Variants in MAST4 observed in about 807,000 individuals in gnomAD.
MAST4 encodes microtubule associated serine/threonine kinase family member 4.
MAST4 carries 89 observed loss-of-function variants against 162.7 expected under a neutral mutation model. That is an observed-to-expected ratio of 0.55 (90% CI 0.46 to 0.65). The LOEUF (loss-of-function observed/expected upper bound fraction) is 0.65, where lower values mean the gene tolerates loss of function less well. Ranked by LOEUF, MAST4 falls within the 30% of genes least tolerant of loss-of-function variation. MAST4 has a pLI of 0.00. For synonymous variants in MAST4, 1,479 were observed against 1,361.1 expected, an observed-to-expected ratio of 1.09 and a Z score of -1.91; for missense variants, 3,153 against 3,374.0, an observed-to-expected ratio of 0.93 and a Z score of 1.62.
At position 67,141,797 on chromosome 5, in the gene MAST4, A is replaced by G. The variant is rs548685874; in HGVS notation, c.2495-318A>G. On this transcript the variant is annotated intron_variant, in intron 19 of 28. Transcript: ENST00000403625. ...GTGAGTCTGCTGTGGGCCAATATTTATCTACATCTCCAGGTTCAGCATACT... is the reference window on the plus strand; with the variant it reads ...GTGAGTCTGCTGTGGGCCAATATTTGTCTACATCTCCAGGTTCAGCATACT... Among the ~76,000 whole-genome samples, 5 of 152,302 alleles carry G rather than the reference A, an allele frequency of 3.3e-5. No individual in the cohort carries two copies. In the South Asian group the frequency reaches 1.0e-3, roughly 32 times the overall value.
At chr5:66,600,978 C>G (rs1485956352) in intron 1 of MAST4, among the ~76,000 whole-genome samples, 2 of 152,164 alleles carry the variant, frequency 1.3e-5, no homozygotes, top group African/African-American at 2.4e-5. Context: ...AATGGTTTCT[C>G]TTATTAACAA....
chr5:66,915,367 G>A (rs900806776), intron 4 of MAST4, among the ~76,000 whole-genome samples: 5 of 151,780 alleles, frequency 3.3e-5, no homozygotes, highest in Admixed American at 2.6e-4. Flanking sequence ...CTCTTGTATA[G>A]TGACTGTGGG....
chr5:66,749,145 G>T (rs572906929), intron 1 of MAST4, among the ~76,000 whole-genome samples: 1 of 152,196 alleles, frequency 6.6e-6, no homozygotes, highest in Middle Eastern at 3.4e-3. Flanking sequence ...AGCCTAGGGC[G>T]ATAGTGACAT....
At chr5:66,794,921 A>G (rs1755578861) in intron 3 of MAST4, among the ~76,000 whole-genome samples, 1 of 152,248 alleles carries the variant, frequency 6.6e-6, no homozygotes, top group Non-Finnish European at 1.5e-5. Flanking sequence ...TTTGCAAAAA[A>G]GAAATGCATT....
chr5:66,912,187 G>T (rs370899549), intron 4 of MAST4, among the ~76,000 whole-genome samples: 1 of 152,174 alleles, frequency 6.6e-6, no homozygotes, highest in Admixed American at 6.5e-5. Context: ...GGGAGAGTGG[G>T]ACCTTCCCAC....
At chr5:66,996,777 C>T (rs914749799) in intron 4 of MAST4, among the ~76,000 whole-genome samples, 1 of 152,178 alleles carries the variant, frequency 6.6e-6, no homozygotes, top group Non-Finnish European at 1.5e-5. Flanking sequence ...CATAGAGACA[C>T]TTGTGATTAT....
chr5:66,847,449 A>G (rs969202200), intron 3 of MAST4, among the ~76,000 whole-genome samples: 1 of 152,182 alleles, frequency 6.6e-6, no homozygotes, highest in Non-Finnish European at 1.5e-5. Flanking sequence ...CCTTGCCAAC[A>G]TGGCAAAACC....
At position 67,167,737 on chromosome 5, in the gene MAST4, A is replaced by T. The variant is rs1014856526; in HGVS notation, c.*686A>T. The stretch of plus-strand genomic sequence containing the variant: ...GAACTACTCTAAGTACTGCATTTGG[A>T]ATCCTCCTCCATTAGGAATGGCCAG... On this transcript the variant is annotated 3_prime_UTR_variant, in exon 29 of 29. Coordinates refer to ENST00000403625, the MANE Select transcript of MAST4 (RefSeq NM_001164664.2). 19 of 152,214 alleles carry T rather than the reference A, an allele frequency of 1.2e-4. No individual in the cohort carries two copies. The highest frequency in any genetic ancestry group is 4.3e-4 in the African/African-American group (18 of 41,450). 9.4% of individuals were successfully genotyped at this position (152,214 alleles called of 1,614,324 possible). A position where few individuals can be genotyped will look rare whatever the true frequency, so the allele number is the denominator to read the frequency against.
chr5:66,941,397 A>G (rs1195074233), intron 4 of MAST4, among the ~76,000 whole-genome samples: 1 of 152,142 alleles, frequency 6.6e-6, no homozygotes, highest in Non-Finnish European at 1.5e-5. Flanking sequence ...TGCTGCTTGC[A>G]CTTTTATGGT....
chr5:66,614,198 C>T (rs1743489496), intron 1 of MAST4, among the ~76,000 whole-genome samples: 1 of 152,152 alleles, frequency 6.6e-6, no homozygotes, highest in African/African-American at 2.4e-5. Flanking sequence ...TTCACCTTTC[C>T]CTCAGGAAAA....
intron 5 of MAST4, among the ~76,000 whole-genome samples, chr5:67,084,375 T>C (rs1215388655): frequency 1.3e-5 from 2 of 152,200 alleles, no homozygotes; most frequent in African/African-American, 2.4e-5. Context: ...ATTGATTTCA[T>C]GAAGTGAGTT....
Position 67,152,797 on chromosome 5 carries a change from C to T in MAST4, c.3456C>T (p.Gly1152=), listed in dbSNP as rs769996926. Residue 1152 remains glycine, a synonymous_variant, in exon 25 of 29, where the codon GGC becomes GGT. Coordinates refer to ENST00000403625, the MANE Select transcript of MAST4 (RefSeq NM_001164664.2). ...IVIHSSGKNY[G]FTIRAIRVYV... ...TCCACAGTTCGGGGAAGAACTACGG[C>T]TTTACCATCCGAGCCATCCGGGTGT... 5 of 1,614,056 alleles carry T rather than the reference C, an allele frequency of 3.1e-6. No individual in the cohort carries two copies. Among genetic ancestry groups the T allele is most frequent in the Non-Finnish European group, 4.2e-6 (5 of 1,179,898 alleles).
At chr5:66,963,912 T>G (rs1336838321) in intron 4 of MAST4, 2 of 752,294 alleles carry the variant, frequency 2.7e-6, no homozygotes, top group African/African-American at 1.7e-5. Context: ...ACTGGTTGAA[T>G]TGTTTACTTG....
intron 4 of MAST4, among the ~76,000 whole-genome samples, chr5:67,038,591 G>A (rs1756328743): frequency 6.6e-6 from 1 of 152,182 alleles, no homozygotes; most frequent in African/African-American, 2.4e-5. Flanking sequence ...ACTTTGTCCT[G>A]TGAAACTGTT....
chr5:66,843,985 A>G (rs535315810), intron 3 of MAST4, among the ~76,000 whole-genome samples: 1 of 152,142 alleles, frequency 6.6e-6, no homozygotes, highest in South Asian at 2.1e-4. Context: ...GGTGGTGCCC[A>G]GTGGCTGCAT....
At chr5:66,916,756 C>T (rs1374967131) in intron 4 of MAST4, among the ~76,000 whole-genome samples, 1 of 152,124 alleles carries the variant, frequency 6.6e-6, no homozygotes, top group African/African-American at 2.4e-5. Flanking sequence ...TCTTTTGTCA[C>T]CTTATCAGTC....
intron 4 of MAST4, among the ~76,000 whole-genome samples, chr5:67,008,101 C>T (rs1343545058): frequency 6.6e-6 from 1 of 152,226 alleles, no homozygotes; most frequent in Non-Finnish European, 1.5e-5. Context: ...ATAGTTCCTT[C>T]TATATAACTG....
chr5:67,064,739 C>T (rs974758582), intron 5 of MAST4, among the ~76,000 whole-genome samples: 1 of 152,184 alleles, frequency 6.6e-6, no homozygotes, highest in Admixed American at 6.5e-5. Context: ...GGCAGTGCTT[C>T]ACCTAAAGCA....
chr5:66,762,275 C>G (rs1046704484), intron 2 of MAST4, among the ~76,000 whole-genome samples: 1 of 151,902 alleles, frequency 6.6e-6, no homozygotes, highest in African/African-American at 2.4e-5. Flanking sequence ...AAAAATCCAT[C>G]GAACGTCAGC....
Sources: gnomAD v4.1 joint callset for allele counts (sites outside exome capture counted in the v4.1 genomes callset) on GRCh38, gnomAD v4.1.1 for gene constraint, MANE v1.5 for transcripts, NCBI Gene and HGNC (gene_info 2026-07-23, HGNC 2026-07-21) for gene names.